Variants in NTRK1 observed in about 807,000 individuals in gnomAD.
NTRK1 encodes the protein high affinity nerve growth factor receptor.
NTRK1 carries 62 observed loss-of-function variants against 86.8 expected under a neutral mutation model. The observed-to-expected ratio is 0.71, with a 90% CI of 0.58 to 0.88. The LOEUF is 0.88. Among genes scored for constraint, NTRK1 ranks in the 40% least tolerant of loss-of-function variants. The pLI, the probability that NTRK1 is intolerant of heterozygous loss-of-function variation, is 0.00. For missense variants in NTRK1, 967 were observed against 1,078.4 expected, an observed-to-expected ratio of 0.90 and a Z score of 1.45; for synonymous variants, 469 against 456.6, an observed-to-expected ratio of 1.03 and a Z score of -0.35.
exon 2 of NTRK1, chr1:156,842,086 C>T: frequency 6.2e-7 from 1 of 1,613,518 alleles, no homozygotes; most frequent in Non-Finnish European, 8.5e-7. Context: ...TTCAGGCCGC[C>T]CTCATCTGCC....
chr1:156,845,093 G>T (rs1415238849), intron 2 of NTRK1: 4 of 1,608,316 alleles, frequency 2.5e-6, no homozygotes, highest in South Asian at 2.2e-5. Context: ...CATGGTGCGC[G>T]CAAAGACGAA....
At chr1:156,866,314 C>A (rs1383009139) in intron 3 of NTRK1, among the ~76,000 whole-genome samples, 6 of 152,234 alleles carry the variant, frequency 3.9e-5, no homozygotes, top group Non-Finnish European at 7.3e-5. Context: ...TCCTGTGTGG[C>A]CTGGAGCCGG....
rs988889906 is a variant in NTRK1 at position 156,861,225 on chromosome 1, G to T, written c.212+79G>T. On this transcript the variant is annotated intron_variant, in intron 1 of 16. Transcript: ENST00000524377. ...CCCCGAGGGCGCGGACTCGCTGCTT[G>T]TTTGCTGGTCAGGCAGGACGAGCAC... is the stretch of plus-strand genomic sequence containing the variant. 6 of 1,479,764 alleles carry T rather than the reference G, an allele frequency of 4.1e-6. No individual in the cohort carries two copies. The African/African-American group carries it at 8.4e-5, about 21-fold the overall frequency. 91.7% of individuals were successfully genotyped at this position (1,479,764 alleles called of 1,614,324 possible). A position where few individuals can be genotyped will look rare whatever the true frequency, so the allele number is the denominator to read the frequency against.
intron 1 of NTRK1, among the ~76,000 whole-genome samples, chr1:156,818,241 AC>A (rs1558072498): frequency 7.2e-5 from 11 of 152,032 alleles, no homozygotes; most frequent in African/African-American, 2.4e-4. Context: ...GAAAAAAAAA[AC>A]TTTGTTTCAA....
At chr1:156,845,098 G>A in intron 2 of NTRK1, 2 of 1,610,056 alleles carry the variant, frequency 1.2e-6, no homozygotes, top group Non-Finnish European at 1.7e-6. Context: ...TGCGCGCAAA[G>A]ACGAAGGTGG....
rs557498954 is a variant in NTRK1, at chr1:156,849,464, G to C, written c.50+7271G>C. The C allele has an allele frequency of 8.1e-6, 13 of 1,604,174 alleles. No homozygotes were observed. In the East Asian group the frequency reaches 1.1e-4, roughly 14 times the overall value. On this transcript the variant is annotated intron_variant, in intron 2 of 16. Transcript: ENST00000392302. ...CAGCACGTAGAGAGTGTAGTTCCTG[G>C]GGGAGGCCAGGGGACCTTGCTCTGC...
In NTRK1 at chr1:156,831,732, A is replaced by G. The variant is rs142377568; in HGVS notation, c.-63-10349A>G. On this transcript the variant is annotated intron_variant, in intron 1 of 16. Transcript: ENST00000392302. ...CTGAGGGACCCATGAAGCTGAAGGT[A>G]TCACAGGAACTAGAGGATGTGAGGG... Among the ~76,000 whole-genome samples the G allele has an allele frequency of 5.6e-3, 851 of 152,326 alleles. 6 individuals carry two copies. The highest frequency in any genetic ancestry group is 0.019 in the African/African-American group (773 of 41,574).
At chr1:156,879,878 G>A (rs1648152452) in intron 15 of NTRK1, 121 bp from the exon 16 acceptor site, 1 of 1,288,764 alleles carries the variant, frequency 7.8e-7, no homozygotes, top group Non-Finnish European at 1.1e-6. Context: ...AAAGTGCTGG[G>A]ATTACAGGCG....
chr1:156,822,709 A>G (rs2102834499), intron 1 of NTRK1, among the ~76,000 whole-genome samples: 1 of 149,616 alleles, frequency 6.7e-6, no homozygotes, highest in Non-Finnish European at 1.5e-5. Context: ...CAGATTCTCC[A>G]CCTTCAGTTA....
chr1:156,862,056 G>T (rs1184407398), intron 1 of NTRK1, among the ~76,000 whole-genome samples: 1 of 152,194 alleles, frequency 6.6e-6, no homozygotes, highest in African/African-American at 2.4e-5. Flanking sequence ...ACATCTAGAA[G>T]AGGGGAGAAC....
chr1:156,820,880 G>C (rs1462774942), intron 1 of NTRK1, among the ~76,000 whole-genome samples: 2 of 152,106 alleles, frequency 1.3e-5, no homozygotes, highest in Non-Finnish European at 2.9e-5. Flanking sequence ...TGGGCAGTAT[G>C]GTCATTTTCA....
chr1:156,833,186 A>T (rs772091086), intron 1 of NTRK1, among the ~76,000 whole-genome samples: 12 of 152,210 alleles, frequency 7.9e-5, no homozygotes, highest in Non-Finnish European at 4.4e-5. Context: ...AAGTTATTTG[A>T]CTTCTGTAAG....
rs3840456 is a variant in NTRK1, at chr1:156,817,047, TTCTCTC to T, written c.-64+1232_-64+1237del. On this transcript the variant is annotated intron_variant, in intron 1 of 16. Coordinates refer to the NTRK1 transcript ENST00000392302. ...CCTCACCCCAAACTAGAACTTCCCT[TTCTCTC>T]TCTCTCTCTCTCTCTCTCTCTCATC... Among the ~76,000 whole-genome samples the T allele has an allele frequency of 2.1e-3, 235 of 113,860 alleles. 6 individuals carry two copies. Among genetic ancestry groups the T allele is most frequent in the African/African-American group, 7.0e-3 (217 of 31,094 alleles). The allele number at this position is 113,860 out of a possible 152,430, so 74.7% of individuals were successfully genotyped here.
rs1655347069 is a variant in NTRK1, at chr1:156,854,669, G to A, written c.51-9685G>A. 6.6e-6 allele frequency among the ~76,000 whole-genome samples: 1 copy of A among 152,164 alleles called. No individual in the cohort carries two copies. Among genetic ancestry groups the A allele is most frequent in the Non-Finnish European group, 1.5e-5 (1 of 68,028 alleles). ...CTTTCTTTTTCACCTTGTACGTCCT[G>A]TGGGTTTATCTTTAAAATATGTCCA... is the stretch of plus-strand genomic sequence containing the variant. On this transcript the variant is annotated intron_variant, in intron 2 of 16. Transcript: ENST00000392302. This position sits in a 1 kb window ranked among gnomAD's most constrained non-coding sequence, Gnocchi z 4.2.
chr1:156,844,679 C>T, intron 2 of NTRK1: 2 of 1,613,992 alleles, frequency 1.2e-6, no homozygotes, highest in Non-Finnish European at 8.5e-7. Context: ...CAAAACGGGG[C>T]TGGGACGGGG....
At position 156,868,186 on chromosome 1, in the gene NTRK1, C is replaced by T. The variant is rs200655463; in HGVS notation, c.511C>T (p.Pro171Ser). 10 of 1,613,504 alleles carry T rather than the reference C, an allele frequency of 6.2e-6. No homozygotes were observed. Among genetic ancestry groups the T allele is most frequent in the Non-Finnish European group, 8.5e-6 (10 of 1,180,034 alleles). Reference sequence around the variant, plus strand: ...GGAGGAGGAGGGACTGGGCGGAGTGCCTGAACAGAAGCTGCAGTGTCATGG... The same window carrying T: ...GGAGGAGGAGGGACTGGGCGGAGTGTCTGAACAGAAGCTGCAGTGTCATGG... ...RWEEEGLGGV[P>S]EQKLQCHGQG... The change falls in exon 5 of 17, where the codon CCT (proline) becomes TCT (serine). Residue 171 changes from proline to serine, a missense_variant. Coordinates refer to ENST00000524377, the MANE Select transcript of NTRK1 (RefSeq NM_002529.4).
At chr1:156,831,597 C>CA (rs1378067172) in intron 1 of NTRK1, among the ~76,000 whole-genome samples, 4 of 152,052 alleles carry the variant, frequency 2.6e-5, no homozygotes, top group Admixed American at 6.5e-5. Flanking sequence ...ACTTGAGAGC[C>CA]AAGTTCCAGG....
chr1:156,864,171 G>A (rs1655815545), intron 1 of NTRK1, among the ~76,000 whole-genome samples, 183 bp from the exon 2 acceptor site: 1 of 152,140 alleles, frequency 6.6e-6, no homozygotes, highest in Admixed American at 6.5e-5. Flanking sequence ...GACTTGAGGT[G>A]CGTCTCTGTG....
At chr1:156,864,591 T>A in intron 2 of NTRK1, 137 bp from the exon 3 acceptor site, 1 of 1,124,458 alleles carries the variant, frequency 8.9e-7, no homozygotes, top group Non-Finnish European at 1.3e-6. Context: ...GGGTCTAGAG[T>A]AGTTGAGGAA....
Sources: allele counts gnomAD v4.1 joint callset (sites outside exome capture counted in the v4.1 genomes callset), GRCh38; gene constraint gnomAD v4.1.1; non-coding constraint Gnocchi (gnomAD v3.1); transcripts MANE v1.5; gene names NCBI Gene and HGNC (gene_info 2026-07-23, HGNC 2026-07-21).